PIK3C2G: variants seen among roughly 807,000 people sequenced by gnomAD.
PIK3C2G encodes the protein phosphatidylinositol-4-phosphate 3-kinase catalytic subunit type 2 gamma.
A neutral mutation model predicts 181.1 loss-of-function variants in PIK3C2G; 168 were observed. The ratio of observed to expected loss-of-function variants is 0.93; its 90% CI spans 0.82 to 1.05. The LOEUF is 1.05. PIK3C2G is among the 50% of genes least tolerant of loss of function. The pLI is 0.00. For missense variants in PIK3C2G, 1,869 were observed against 1,732.8 expected (o/e 1.08, Z -1.40); for synonymous variants, 573 against 592.2 (o/e 0.97, Z 0.47).
intron 1 of PIK3C2G, among the ~76,000 whole-genome samples, chr12:18,278,772 A>C (rs1949090027): frequency 6.6e-6 from 1 of 152,124 alleles, no homozygotes; most frequent in Non-Finnish European, 1.5e-5. Flanking sequence ...GGAACTAAAT[A>C]ATATTTTTAT....
rs180829513 is a variant in PIK3C2G, at chr12:18,364,193, C to T, written c.1748+1307C>T. ...TCTTATCTACTTACCCTAACTATCC[C>T]TTGACTGTCCACCAGTCATTCTTTG... On this transcript the variant is annotated intron_variant, in intron 12 of 32. Transcript: ENST00000538779. Among the ~76,000 whole-genome samples, 91 of 152,310 alleles carry T rather than the reference C, an allele frequency of 6.0e-4. 1 individual carries two copies. Among genetic ancestry groups the T allele is most frequent in the Middle Eastern group, 3.4e-3 (1 of 294 alleles).
chr12:18,264,224 C>T (rs1948377912), intron 1 of PIK3C2G, among the ~76,000 whole-genome samples: 1 of 152,062 alleles, frequency 6.6e-6, no homozygotes, highest in Non-Finnish European at 1.5e-5. Flanking sequence ...TTGCTCAACC[C>T]CAACTTACAT....
chr12:18,261,771 TACA>T (rs1229108239), intron 1 of PIK3C2G, among the ~76,000 whole-genome samples, 194 bp downstream of exon 1: 1 of 152,114 alleles, frequency 6.6e-6, no homozygotes, highest in Non-Finnish European at 1.5e-5. Context: ...CCCCAAAATC[TACA>T]ACCAGAAGAT....
At chr12:18,666,384 TG>T in the PIK3C2G span, among the ~76,000 whole-genome samples, 1 of 151,964 alleles carries the variant, frequency 6.6e-6, no homozygotes, top group South Asian at 2.1e-4. Flanking sequence ...ATGTTGAAAA[TG>T]GAAAAATACA....
In PIK3C2G at chr12:18,282,267, C is replaced by A; in HGVS notation, c.186C>A (p.Thr62=). Reference sequence around the variant, plus strand: ...ACGAGAGTGAAATTGATGAAAACACCTTTTTTGTGCCCACTGCACCAAAAT... The same window carrying A: ...ACGAGAGTGAAATTGATGAAAACACATTTTTTGTGCCCACTGCACCAAAAT... ...PHYESEIDEN[T]FFVPTAPKWD... is the part of the protein sequence containing the mutation. The change falls in exon 2 of 33, where the codon ACC becomes ACA. Residue 62 remains threonine (T), a synonymous_variant. Coordinates refer to ENST00000538779, the MANE Select transcript of PIK3C2G (RefSeq NM_001288772.2). 1 of 1,613,652 alleles carries A rather than the reference C, an allele frequency of 6.2e-7. No homozygotes were observed. The highest frequency in any genetic ancestry group is 8.5e-7 in the Non-Finnish European group (1 of 1,179,712).
intron 3 of PIK3C2G, among the ~76,000 whole-genome samples, chr12:18,289,596 C>T (rs148276620): frequency 0.016 from 2,413 of 152,234 alleles, 65 homozygotes; most frequent in African/African-American, 0.054. Context: ...GCAACAGCAG[C>T]AGCTTACTTG....
At chr12:18,583,729 G>C (rs1424435927) in intron 29 of PIK3C2G, among the ~76,000 whole-genome samples, 1 of 151,798 alleles carries the variant, frequency 6.6e-6, no homozygotes, top group Non-Finnish European at 1.5e-5. Context: ...ACTTTAATCA[G>C]AGGCAGCCCA....
intron 26 of PIK3C2G, among the ~76,000 whole-genome samples, chr12:18,547,626 T>G (rs1944500976): frequency 6.6e-6 from 1 of 151,302 alleles, no homozygotes; most frequent in Non-Finnish European, 1.5e-5. Flanking sequence ...ATTATGGAAC[T>G]CCAGGAAGAG....
intron 18 of PIK3C2G, 70 bp from the exon 19 acceptor site, chr12:18,488,379 T>C (rs748357626): frequency 6.7e-6 from 7 of 1,041,308 alleles, no homozygotes; most frequent in African/African-American, 1.6e-5. Flanking sequence ...ATGCACTTAC[T>C]GTTCCGGCTG....
the PIK3C2G span, chr12:18,719,640 A>C: frequency 6.4e-7 from 1 of 1,553,372 alleles, no homozygotes; most frequent in Admixed American, 1.8e-5. Context: ...TAACTAAAAA[A>C]ATAAAATAAA....
intron 29 of PIK3C2G, among the ~76,000 whole-genome samples, chr12:18,584,707 C>T (rs2136441535): frequency 6.6e-6 from 1 of 152,126 alleles, no homozygotes; most frequent in African/African-American, 2.4e-5. Context: ...CTGCAAGATT[C>T]TACAGAAGAT....
At chr12:18,530,566 T>C (rs1231891427) in intron 24 of PIK3C2G, among the ~76,000 whole-genome samples, 2 of 152,144 alleles carry the variant, frequency 1.3e-5, no homozygotes, top group African/African-American at 4.8e-5. Context: ...TTATTCTTCA[T>C]TACTTGATAA....
chr12:18,493,779 C>T (rs1043200519), intron 20 of PIK3C2G: 1 of 152,172 alleles, frequency 6.6e-6, no homozygotes, highest in Admixed American at 6.5e-5. Flanking sequence ...TGGCTCAATT[C>T]GTTTCTTAAA....
the PIK3C2G span, among the ~76,000 whole-genome samples, chr12:18,669,912 G>T: frequency 6.6e-6 from 1 of 152,016 alleles, no homozygotes; most frequent in East Asian, 1.9e-4. Flanking sequence ...CTTGTGATCC[G>T]CCCACCTGGC....
At chr12:18,647,828 T>A (rs1358391722) in intron 32 of PIK3C2G, 48 bp from the exon 33 acceptor site, 1 of 1,156,480 alleles carries the variant, frequency 8.6e-7, no homozygotes, top group Non-Finnish European at 1.2e-6. Flanking sequence ...AAAAGAGATG[T>A]ATTTAAGCAT....
chr12:18,571,322 A>C (rs2136375975), intron 29 of PIK3C2G, among the ~76,000 whole-genome samples: 1 of 150,772 alleles, frequency 6.6e-6, no homozygotes, highest in South Asian at 2.1e-4. Flanking sequence ...ATTTCGGTAA[A>C]AATTCCATGC....
At chr12:18,484,967 T>C (rs988618189) in intron 18 of PIK3C2G, among the ~76,000 whole-genome samples, 2 of 152,148 alleles carry the variant, frequency 1.3e-5, no homozygotes, top group African/African-American at 4.8e-5. Flanking sequence ...TAGCAAAATA[T>C]ACAAGATGAA....
Position 18,544,827 on chromosome 12 carries a change from T to C in PIK3C2G, c.3481-1496T>C, listed in dbSNP as rs1430764893. ...ATTATCATTTATATGCTAATGACAG[T>C]CAAATCTGTATTATAGCATGTGCTT... On this transcript the variant is annotated intron_variant, in intron 25 of 32. Coordinates refer to ENST00000538779, the MANE Select transcript of PIK3C2G (RefSeq NM_001288772.2). 2.6e-5 allele frequency among the ~76,000 whole-genome samples: 4 copies of C among 151,858 alleles called. No individual in the cohort carries two copies. The East Asian group carries it at 7.8e-4, about 29-fold the overall frequency.
chr12:18,391,196 A>T lies in PIK3C2G; in HGVS notation c.2070A>T (p.Pro690=), dbSNP rs1308414495. The T allele has an allele frequency of 6.2e-7, 1 of 1,609,392 alleles. No homozygotes were observed. The change falls in exon 15 of 33, where the codon CCA becomes CCT. Residue 690 remains proline (P), a synonymous_variant. Transcript: ENST00000538779. The part of the protein sequence containing the change: ...SEENRSNLEE[P]LKECIKHIAR... ...AGAATAGAAGTAATCTTGAAGAGCC[A>T]CTAAAGGAGTGTATAAAACATATTG...
Sources: gnomAD v4.1 joint callset for allele counts (sites outside exome capture counted in the v4.1 genomes callset) on GRCh38, gnomAD v4.1.1 for gene constraint, MANE v1.5 for transcripts, NCBI Gene and HGNC (gene_info 2026-07-23, HGNC 2026-07-21) for gene names.